The following REDIC1 variants were observed in gnomAD, a reference collection of about 807,000 sequenced individuals.
The protein encoded by REDIC1 is HEI10 Interacting Protein 1.
the REDIC1 span, among the ~76,000 whole-genome samples, chr12:39,803,681 A>C: frequency 6.6e-6 from 1 of 152,180 alleles, no homozygotes; most frequent in African/African-American, 2.4e-5. Flanking sequence ...GATCTGAATA[A>C]ATTCCTCAGA....
the REDIC1 span, among the ~76,000 whole-genome samples, chr12:39,899,311 T>C: frequency 1.3e-5 from 2 of 152,220 alleles, no homozygotes; most frequent in Non-Finnish European, 2.9e-5. Flanking sequence ...TGTATTTCTG[T>C]GGGATTGGTG....
the REDIC1 span, among the ~76,000 whole-genome samples, chr12:39,858,709 C>T: frequency 2.6e-5 from 4 of 152,082 alleles, no homozygotes; most frequent in Admixed American, 6.6e-5. Flanking sequence ...CAGGTTCAAG[C>T]GATTCTCCTG....
chr12:39,899,870 T>C, the REDIC1 span, among the ~76,000 whole-genome samples: 1 of 152,252 alleles, frequency 6.6e-6, no homozygotes, highest in African/African-American at 2.4e-5. Context: ...TTCTGTTCTT[T>C]TACATTTGCT....
chr12:39,882,197 G>C, the REDIC1 span, among the ~76,000 whole-genome samples: 1 of 152,058 alleles, frequency 6.6e-6, no homozygotes, highest in Non-Finnish European at 1.5e-5. Context: ...GAGGGTCTCA[G>C]ATATTGGTGT....
At chr12:39,712,358 A>G in the REDIC1 span, among the ~76,000 whole-genome samples, 1 of 133,526 alleles carries the variant, frequency 7.5e-6, no homozygotes, top group African/African-American at 3.0e-5. Context: ...ATATACATAC[A>G]TACATACATA....
At chr12:39,889,189 TC>T in the REDIC1 span, among the ~76,000 whole-genome samples, 1 of 152,136 alleles carries the variant, frequency 6.6e-6, no homozygotes, top group Non-Finnish European at 1.5e-5. Context: ...TTTCTGCAGA[TC>T]ATATATATCT....
the REDIC1 span, chr12:39,646,431 C>T: frequency 6.5e-7 from 1 of 1,543,998 alleles, no homozygotes; most frequent in Non-Finnish European, 8.7e-7. Flanking sequence ...TGTGTACCTT[C>T]TAAACTCTGC....
chr12:39,830,018 A>AT, the REDIC1 span: 4 of 1,549,146 alleles, frequency 2.6e-6, no homozygotes, highest in Non-Finnish European at 3.5e-6. Flanking sequence ...AAGAACTGCT[A>AT]TAAGTGCAAG....
the REDIC1 span, among the ~76,000 whole-genome samples, chr12:39,692,883 G>A: frequency 6.6e-6 from 1 of 151,982 alleles, no homozygotes; most frequent in Non-Finnish European, 1.5e-5. Context: ...TTCCTAAATG[G>A]TTATTCCAGT....
the REDIC1 span, among the ~76,000 whole-genome samples, chr12:39,653,828 G>A: frequency 5.8e-4 from 88 of 152,062 alleles, 1 homozygote; most frequent in East Asian, 0.015. Flanking sequence ...CCTTTAACAG[G>A]TTGTGAAAGT....
the REDIC1 span, among the ~76,000 whole-genome samples, chr12:39,898,131 T>G: frequency 2.0e-5 from 3 of 152,164 alleles, no homozygotes; most frequent in Non-Finnish European, 4.4e-5. Flanking sequence ...CTGGTGAACA[T>G]ACATGTACAG....
At chr12:39,728,979 T>G in the REDIC1 span, among the ~76,000 whole-genome samples, 1 of 152,072 alleles carries the variant, frequency 6.6e-6, no homozygotes, top group East Asian at 1.9e-4. Context: ...TGGTGGTAGT[T>G]TGTATTTCTG....
the REDIC1 span, among the ~76,000 whole-genome samples, chr12:39,706,592 GTATAGTAACCAAAACAGCATGAGAAC>G: frequency 3.3e-5 from 5 of 151,450 alleles, no homozygotes; most frequent in Non-Finnish European, 5.9e-5. Flanking sequence ...AGCATGAGAA[GTATAGTAACCAAAACAGCATGAGAAC>G]TATAGTAACC....
chr12:39,713,516 G>A, the REDIC1 span, among the ~76,000 whole-genome samples: 25 of 148,938 alleles, frequency 1.7e-4, no homozygotes, highest in African/African-American at 6.1e-4. Flanking sequence ...GTATACATGC[G>A]TGCATACATG....
At chr12:39,659,228 T>C in the REDIC1 span, among the ~76,000 whole-genome samples, 2 of 151,770 alleles carry the variant, frequency 1.3e-5, no homozygotes, top group African/African-American at 4.8e-5. Flanking sequence ...GTTTTTGTGA[T>C]TTTTCTGTCA....
the REDIC1 span, among the ~76,000 whole-genome samples, chr12:39,636,697 A>T: frequency 6.6e-6 from 1 of 152,084 alleles, no homozygotes; most frequent in South Asian, 2.1e-4. Context: ...CTTTTGCATG[A>T]CACAATGCCC....
chr12:39,820,684 A>G, the REDIC1 span, among the ~76,000 whole-genome samples: 1 of 80,248 alleles, frequency 1.2e-5, no homozygotes, highest in Non-Finnish European at 2.5e-5. Flanking sequence ...GTGACCTAGC[A>G]GCATGTATAA....
the REDIC1 span, chr12:39,647,780 T>G: frequency 6.9e-7 from 1 of 1,452,168 alleles, no homozygotes. Flanking sequence ...GATTTTATCT[T>G]CTTTCCTATA....
At chr12:39,668,660 G>A in the REDIC1 span, among the ~76,000 whole-genome samples, 1 of 152,112 alleles carries the variant, frequency 6.6e-6, no homozygotes, top group East Asian at 1.9e-4. Flanking sequence ...TTTCCAACTC[G>A]GTTCCGTTCT....
Sources: allele counts gnomAD v4.1 joint callset (sites outside exome capture counted in the v4.1 genomes callset), GRCh38; gene constraint gnomAD v4.1.1; transcripts MANE v1.5; gene names NCBI Gene and HGNC (gene_info 2026-07-23, HGNC 2026-07-21).